Variants in CLCF1 observed in about 807,000 individuals in gnomAD.
CLCF1 encodes the protein cardiotrophin-like cytokine factor 1.
CLCF1 carries 10 observed loss-of-function variants against 21.2 expected under a neutral mutation model. The ratio of observed to expected loss-of-function variants is 0.47; its 90% CI spans 0.29 to 0.80. The LOEUF (loss-of-function observed/expected upper bound fraction) is 0.80. Among genes scored for constraint, CLCF1 ranks in the 30% least tolerant of loss-of-function variants. CLCF1 has a pLI of 0.09. For synonymous variants in CLCF1, 115 were observed against 120.5 expected (o/e 0.95, Z 0.30); for missense variants, 240 against 293.4 (o/e 0.82, Z 1.33).
At chr11:67,370,239 G>C (rs528938397) in intron 1 of CLCF1, 8 of 985,378 alleles carry the variant, frequency 8.1e-6, no homozygotes, top group Non-Finnish European at 9.6e-6. Flanking sequence ...CGGTTTAGTC[G>C]TGAGCTTGGG....
intron 1 of CLCF1, 103 bp downstream of exon 1, chr11:67,373,421 C>T: frequency 1.6e-6 from 1 of 608,486 alleles, no homozygotes; most frequent in Non-Finnish European, 2.6e-6. Flanking sequence ...GCTCCCTGGC[C>T]CGGCCCCGGC....
chr11:67,368,901 CT>C (rs1338462155), intron 1 of CLCF1: 33 of 682,670 alleles, frequency 4.8e-5, no homozygotes, highest in East Asian at 1.9e-4. Flanking sequence ...TCCTATAGTT[CT>C]TTTTTTTTCC....
chr11:67,373,303 G>C (rs1225596804), intron 1 of CLCF1, among the ~76,000 whole-genome samples: 1 of 151,788 alleles, frequency 6.6e-6, no homozygotes, highest in Non-Finnish European at 1.5e-5. Context: ...CGGGCTCCCC[G>C]CCGCTCCCGG....
chr11:67,368,661 G>A, intron 1 of CLCF1: 1 of 985,390 alleles, frequency 1.0e-6, no homozygotes, highest in African/African-American at 1.7e-5. Context: ...TAAGGACTGG[G>A]TTACTTTAAA....
chr11:67,370,324 A>G (rs1314192302), intron 1 of CLCF1: 1 of 985,108 alleles, frequency 1.0e-6, no homozygotes, highest in Non-Finnish European at 1.2e-6. Context: ...ATCCTCCCTC[A>G]GGCTCATGTT....
chr11:67,370,226 C>A (rs1862199611), intron 1 of CLCF1: 6 of 985,296 alleles, frequency 6.1e-6, no homozygotes, highest in Non-Finnish European at 7.2e-6. Flanking sequence ...GGGTGAACAC[C>A]TGCGGTTTAG....
At chr11:67,367,798 G>C in intron 1 of CLCF1, 172 bp from the exon 2 acceptor site, 1 of 985,460 alleles carries the variant, frequency 1.0e-6, no homozygotes, top group Non-Finnish European at 1.2e-6. Context: ...CAAGACGGGA[G>C]AGAAAGAGAG....
Position 67,365,038 on chromosome 11 carries a change from C to T in CLCF1, c.*98G>A, listed in dbSNP as rs567601969. The stretch of plus-strand genomic sequence containing the variant: ...CCAGGAAAGGGCCAGAGGCTCACAG[C>T]TTCTGTCTCCTGGCTCAACAGGTGT... On this transcript the variant is annotated 3_prime_UTR_variant, in exon 3 of 3. Coordinates refer to ENST00000312438, the MANE Select transcript of CLCF1 (RefSeq NM_013246.3). The surrounding 1 kb of genome is among the most constrained non-coding windows in gnomAD (Gnocchi z 5.0). 9.4e-6 allele frequency: 15 copies of T among 1,590,544 alleles called. No homozygotes were observed. In the African/African-American group the frequency reaches 1.7e-4, roughly 18 times the overall value.
upstream of CLCF1, chr11:67,373,833 A>T: frequency 2.3e-6 from 2 of 886,312 alleles, no homozygotes; most frequent in Non-Finnish European, 2.8e-6. Flanking sequence ...TCTCCCTCCC[A>T]CAGCACCGAG....
chr11:67,368,192 G>C, intron 1 of CLCF1: 2 of 985,400 alleles, frequency 2.0e-6, no homozygotes, highest in African/African-American at 3.5e-5. Context: ...ACTAGGGTCG[G>C]GCTGCCTTAT....
At chr11:67,371,638 A>AG (rs1194725362) in intron 1 of CLCF1, among the ~76,000 whole-genome samples, 1 of 152,064 alleles carries the variant, frequency 6.6e-6, no homozygotes, top group Non-Finnish European at 1.5e-5. Flanking sequence ...GCGGGGAGCC[A>AG]GGGGGGAGCC....
intron 1 of CLCF1, chr11:67,368,775 A>T (rs777232090): frequency 1.5e-4 from 143 of 985,032 alleles, no homozygotes; most frequent in Non-Finnish European, 1.7e-4. Flanking sequence ...GGTGAGTTGG[A>T]GGGCTGTGAC....
chr11:67,365,559 G>C lies in CLCF1; in HGVS notation c.255C>G (p.Pro85=). Residue 85 remains proline, a synonymous_variant, in exon 3 of 3, where the codon CCC becomes CCG. Transcript: ENST00000312438. The surrounding 1 kb of genome is among the most constrained non-coding windows in gnomAD (Gnocchi z 5.0). The part of the protein sequence containing the change: ...NPPRLGAETL[P]RATVDLEVWR... ...ACACCTCCAAGTCAACAGTGGCCCT[G>C]GGCAGAGTCTCTGCCCCCAGGCGGG... The C allele has an allele frequency of 6.2e-7, 1 of 1,613,926 alleles. No individual in the cohort carries two copies. Among genetic ancestry groups the C allele is most frequent in the Non-Finnish European group, 8.5e-7 (1 of 1,179,816 alleles).
chr11:67,365,292 G>T lies in CLCF1; in HGVS notation c.522C>A (p.Ala174=). The change falls in exon 3 of 3, where the codon GCC becomes GCA. Residue 174 remains alanine, a synonymous_variant. Coordinates refer to ENST00000312438, the MANE Select transcript of CLCF1 (RefSeq NM_013246.3). The surrounding 1 kb of genome is among the most constrained non-coding windows in gnomAD (Gnocchi z 5.0). Reference sequence around the variant, plus strand: ...CCATCTTCTGGAGGAAGTCACTGTGGGCAGGGCCAGGAGTCCAAGTGGGTT... The same window carrying T: ...CCATCTTCTGGAGGAAGTCACTGTGTGCAGGGCCAGGAGTCCAAGTGGGTT... ...GTEPTWTPGP[A]HSDFLQKMDD... 2 of 1,613,896 alleles carry T rather than the reference G, an allele frequency of 1.2e-6. No homozygotes were observed. Among genetic ancestry groups the T allele is most frequent in the African/African-American group, 2.7e-5 (2 of 75,056 alleles).
At chr11:67,366,124 G>T (rs1421484641) in intron 2 of CLCF1, among the ~76,000 whole-genome samples, 2 of 152,218 alleles carry the variant, frequency 1.3e-5, no homozygotes, top group African/African-American at 4.8e-5. Flanking sequence ...GCTTGGCAAG[G>T]AGGTGCCTGA....
At chr11:67,367,145 C>A (rs755028796) in intron 2 of CLCF1, among the ~76,000 whole-genome samples, 21 of 147,592 alleles carry the variant, frequency 1.4e-4, no homozygotes, top group Non-Finnish European at 3.2e-4. Context: ...GCGCAAGAGA[C>A]ACCACAACAC....
intron 1 of CLCF1, chr11:67,370,687 G>A: frequency 1.2e-5 from 12 of 985,332 alleles, no homozygotes; most frequent in Non-Finnish European, 1.4e-5. Context: ...GCACAGGCAG[G>A]CGCACCCGTG....
chr11:67,369,584 C>T (rs1364497025), intron 1 of CLCF1: 4 of 985,454 alleles, frequency 4.1e-6, no homozygotes, highest in Non-Finnish European at 4.8e-6. Flanking sequence ...TACAGAGTAG[C>T]ATTAGTTTTG....
At position 67,365,619 on chromosome 11, in the gene CLCF1, C is replaced by T; in HGVS notation, c.195G>A (p.Leu65=). The T allele has an allele frequency of 6.2e-7, 1 of 1,609,618 alleles. No homozygotes were observed. The change falls in exon 3 of 3, where the codon CTG becomes CTA. Residue 65 remains leucine (L), a synonymous_variant. Transcript: ENST00000312438. This position sits in a 1 kb window ranked among gnomAD's most constrained non-coding sequence, Gnocchi z 5.0. ...AGTCTGGCTCGTTGAAAGGGGGGCCCAGGTAGTTCAGCTGTGAAAAGGAGA... is the reference window on the plus strand; with the variant it reads ...AGTCTGGCTCGTTGAAAGGGGGGCCTAGGTAGTTCAGCTGTGAAAAGGAGA... ...RSLAGTYLNY[L]GPPFNEPDFN...
Sources: gnomAD v4.1 joint callset for allele counts (sites outside exome capture counted in the v4.1 genomes callset) on GRCh38, gnomAD v4.1.1 for gene constraint, Gnocchi (gnomAD v3.1) non-coding constraint, MANE v1.5 for transcripts, NCBI Gene and HGNC (gene_info 2026-07-23, HGNC 2026-07-21) for gene names.